KIF16B: variants seen among roughly 807,000 people sequenced by gnomAD.
KIF16B encodes kinesin family member 16B.
In KIF16B, 98 loss-of-function variants were observed where a neutral mutation model predicts 156.3. The observed-to-expected ratio is 0.63, with a 90% CI of 0.53 to 0.74. KIF16B has a LOEUF of 0.74. KIF16B is among the 30% of genes least tolerant of loss of function. The pLI, the probability that KIF16B is intolerant of heterozygous loss-of-function variation, is 0.00. For missense variants in KIF16B, 1,421 were observed against 1,606.5 expected, an observed-to-expected ratio of 0.88 and a Z score of 1.97; for synonymous variants, 564 against 583.7, an observed-to-expected ratio of 0.97 and a Z score of 0.49.
intron 12 of KIF16B, among the ~76,000 whole-genome samples, chr20:16,467,599 G>A (rs909031297): frequency 4.6e-5 from 7 of 152,080 alleles, no homozygotes; most frequent in Non-Finnish European, 1.0e-4. Context: ...CTTGAAATAA[G>A]TCAAAGGGGA....
At chr20:16,459,333 TGGG>T (rs1285356827) in intron 12 of KIF16B, among the ~76,000 whole-genome samples, 2 of 152,210 alleles carry the variant, frequency 1.3e-5, no homozygotes, top group African/African-American at 4.8e-5. Flanking sequence ...ACACTGTGGC[TGGG>T]GATGGCTGCC....
intron 3 of KIF16B, among the ~76,000 whole-genome samples, chr20:16,523,229 G>C (rs921251345): frequency 5.3e-5 from 8 of 152,146 alleles, no homozygotes; most frequent in African/African-American, 1.9e-4. Flanking sequence ...CGAATAAGAA[G>C]AGAGAAAGTC....
At chr20:16,296,184 T>C (rs1245984438) in intron 25 of KIF16B, among the ~76,000 whole-genome samples, 1 of 152,220 alleles carries the variant, frequency 6.6e-6, no homozygotes, top group Non-Finnish European at 1.5e-5. Context: ...GAAGCTAACA[T>C]CTGTCTTCGA....
intron 12 of KIF16B, among the ~76,000 whole-genome samples, chr20:16,488,122 A>G (rs2068178451): frequency 6.6e-6 from 1 of 152,218 alleles, no homozygotes; most frequent in Admixed American, 6.5e-5. Context: ...CGGACATTGG[A>G]GCCATCAAAG....
intron 1 of KIF16B, among the ~76,000 whole-genome samples, chr20:16,535,626 T>C (rs2069930691): frequency 6.6e-6 from 1 of 152,132 alleles, no homozygotes; most frequent in Admixed American, 6.5e-5. Context: ...AGCAGTGGGT[T>C]TGTCATATAT....
At chr20:16,285,125 T>G (rs6043854) in intron 25 of KIF16B, among the ~76,000 whole-genome samples, 7,990 of 152,266 alleles carry the variant, frequency 0.052, 266 homozygotes, top group African/African-American at 0.1. Context: ...GATTTTACCT[T>G]AATCTTCATC....
Position 16,394,898 on chromosome 20 carries a change from C to G in KIF16B, c.1784+9915G>C, listed in dbSNP as rs139793963. 5.2e-4 allele frequency among the ~76,000 whole-genome samples: 79 copies of G among 152,178 alleles called. 1 individual carries two copies. In the East Asian group the frequency reaches 0.014, roughly 27 times the overall value. On this transcript the variant is annotated intron_variant, in intron 17 of 25. Transcript: ENST00000354981. ...GAATATCTCCAGCTACCAGCAGATT[C>G]TGTTTCTGAAGCCCTTTCTACATTG...
intron 25 of KIF16B, among the ~76,000 whole-genome samples, chr20:16,310,973 C>T (rs916862021): frequency 6.6e-6 from 1 of 152,234 alleles, no homozygotes; most frequent in Non-Finnish European, 1.5e-5. Flanking sequence ...GCTCCCACTT[C>T]TCTCCTTCTG....
chr20:16,495,920 G>C (rs966186115), intron 11 of KIF16B, among the ~76,000 whole-genome samples: 1 of 152,048 alleles, frequency 6.6e-6, no homozygotes, highest in Non-Finnish European at 1.5e-5. Flanking sequence ...TGAGCTCCTG[G>C]GCTCAGGCGA....
At position 16,303,405 on chromosome 20, in the gene KIF16B, C is replaced by A. The variant is rs921886398; in HGVS notation, c.3795+8930G>T. Among the ~76,000 whole-genome samples, 17 of 152,206 alleles carry A rather than the reference C, an allele frequency of 1.1e-4. No individual in the cohort carries two copies. In the East Asian group the frequency reaches 3.3e-3, roughly 29 times the overall value. On this transcript the variant is annotated intron_variant, in intron 25 of 25. Transcript: ENST00000354981. ...ACATACCATTCTCATTTGATCCCCT[C>A]AACAATCCTGAAAACTAGTTGTTCT...
intron 24 of KIF16B, among the ~76,000 whole-genome samples, chr20:16,314,120 A>C (rs56240672): frequency 0.082 from 12,536 of 152,250 alleles, 565 homozygotes; most frequent in African/African-American, 0.09. Flanking sequence ...CGTCCTTCTT[A>C]GCAATGCTGG....
intron 1 of KIF16B, among the ~76,000 whole-genome samples, chr20:16,529,591 C>G (rs530332102): frequency 1.2e-4 from 18 of 152,252 alleles, no homozygotes; most frequent in African/African-American, 4.1e-4. Flanking sequence ...TGTTGGTGCC[C>G]TAGAGAACCA....
At chr20:16,571,803 G>A (rs905761608) in intron 1 of KIF16B, among the ~76,000 whole-genome samples, 1 of 151,870 alleles carries the variant, frequency 6.6e-6, no homozygotes, top group Non-Finnish European at 1.5e-5. Context: ...CTAATTTTTT[G>A]TAGTTTTAGT....
At chr20:16,504,127 T>C (rs185005812) in intron 10 of KIF16B, among the ~76,000 whole-genome samples, 100 of 152,372 alleles carry the variant, frequency 6.6e-4, no homozygotes, top group Non-Finnish European at 1.2e-3. Context: ...CATTCATAAT[T>C]GATAACTATT....
chr20:16,497,465 G>T (rs750442819), intron 11 of KIF16B, 148 bp downstream of exon 11: 95 of 653,944 alleles, frequency 1.5e-4, no homozygotes, highest in Non-Finnish European at 2.6e-4. Context: ...CAGCTATCGT[G>T]CTTCTTCAAA....
At chr20:16,457,747 G>T (rs2067247335) in intron 12 of KIF16B, among the ~76,000 whole-genome samples, 1 of 152,088 alleles carries the variant, frequency 6.6e-6, no homozygotes, top group African/African-American at 2.4e-5. Context: ...AGTAAGGCCT[G>T]CCCTAGATAA....
intron 22 of KIF16B, among the ~76,000 whole-genome samples, chr20:16,358,121 A>C (rs1424772745): frequency 6.6e-6 from 1 of 152,130 alleles, no homozygotes; most frequent in South Asian, 2.1e-4. Flanking sequence ...CCCGGGAGGC[A>C]GAGGTTGCAG....
At chr20:16,570,002 G>C (rs1447838095) in intron 1 of KIF16B, among the ~76,000 whole-genome samples, 6 of 150,882 alleles carry the variant, frequency 4.0e-5, no homozygotes, top group Admixed American at 1.3e-4. Context: ...GTGTACATTT[G>C]TTAGCACACA....
intron 23 of KIF16B, among the ~76,000 whole-genome samples, chr20:16,356,030 C>T (rs2064434494): frequency 6.6e-6 from 1 of 152,186 alleles, no homozygotes; most frequent in South Asian, 2.1e-4. Context: ...AGGTGTGAAA[C>T]TTTAAGGGCA....
Sources: allele counts gnomAD v4.1 joint callset (sites outside exome capture counted in the v4.1 genomes callset), GRCh38; gene constraint gnomAD v4.1.1; transcripts MANE v1.5; gene names NCBI Gene and HGNC (gene_info 2026-07-23, HGNC 2026-07-21).